Variants in PON1 observed in about 807,000 individuals in gnomAD.
The protein encoded by PON1 is serum paraoxonase/arylesterase 1.
Under a neutral mutation model 39.2 loss-of-function variants are expected in PON1, and 37 were observed. The observed-to-expected ratio is 0.94, with a 90% CI of 0.73 to 1.24. The LOEUF (loss-of-function observed/expected upper bound fraction) is 1.24, where lower values mean the gene tolerates loss of function less well. Among genes scored for constraint, PON1 ranks in the 50% most tolerant of loss-of-function variants. PON1 has a pLI of 0.00. For missense variants in PON1, 397 were observed against 413.5 expected, an observed-to-expected ratio of 0.96 and a Z score of 0.35; for synonymous variants, 148 against 152.2, an observed-to-expected ratio of 0.97 and a Z score of 0.21.
Position 95,318,085 on chromosome 7 carries a change from CT to C in PON1, c.145+237del, listed in dbSNP as rs11343146. Among the ~76,000 whole-genome samples the C allele has an allele frequency of 0.58, 75,797 of 130,932 alleles. 19,169 individuals carry two copies. Among genetic ancestry groups the C allele is most frequent in the Middle Eastern group, 0.67 (162 of 242 alleles). The allele number at this position is 130,932 out of a possible 152,430, so 85.9% of individuals were successfully genotyped here. A position where few individuals can be genotyped will look rare whatever the true frequency, so the allele number is the denominator to read the frequency against. ...TTCTATTTTTCTTTTTTCTTTTTTT[CT>C]TTTTTTTTTTTTTGCTCTATTGATC... On this transcript the variant is annotated intron_variant, in intron 2 of 8. Coordinates refer to ENST00000222381, the MANE Select transcript of PON1 (RefSeq NM_000446.7).
intron 5 of PON1, among the ~76,000 whole-genome samples, chr7:95,309,937 G>A (rs1457780430): frequency 2.6e-5 from 4 of 152,164 alleles, no homozygotes; most frequent in African/African-American, 4.8e-5. Context: ...TTACGGCACC[G>A]TGGTTATTTT....
At chr7:95,312,443 G>C (rs1807675076) in intron 4 of PON1, among the ~76,000 whole-genome samples, 1 of 152,222 alleles carries the variant, frequency 6.6e-6, no homozygotes, top group South Asian at 2.1e-4. Flanking sequence ...TTTGAACAGA[G>C]AAAGCTGCTA....
At chr7:95,317,314 G>A (rs1807789446) in intron 2 of PON1, among the ~76,000 whole-genome samples, 1 of 151,934 alleles carries the variant, frequency 6.6e-6, no homozygotes, top group Admixed American at 6.6e-5. Flanking sequence ...AAATATTACT[G>A]TCTTCAAGTT....
chr7:95,318,606 G>A, intron 1 of PON1: 1 of 520,552 alleles, frequency 1.9e-6, no homozygotes, highest in African/African-American at 1.9e-5. Context: ...GAGGTGGATA[G>A]GTACACATAA....
At chr7:95,311,678 G>A in intron 4 of PON1, 101 bp from the exon 5 acceptor site, 5 of 1,225,990 alleles carry the variant, frequency 4.1e-6, no homozygotes, top group Non-Finnish European at 6.0e-6. Context: ...TAGTAGTTAG[G>A]ATGTCAGGCA....
intron 1 of PON1, chr7:95,318,636 C>T: frequency 2.2e-6 from 1 of 447,994 alleles, no homozygotes; most frequent in East Asian, 4.4e-5. Context: ...AATATCCTCT[C>T]TAGGGCTCTG....
rs1467672931 is a variant in PON1 at position 95,322,270 on chromosome 7, T to TA, written c.74+2131_74+2132insT. 6.6e-3 allele frequency among the ~76,000 whole-genome samples: 596 copies of TA among 89,906 alleles called. 6 individuals carry two copies. The highest frequency in any genetic ancestry group is 0.015 in the African/African-American group (483 of 31,782). 59.0% of individuals were successfully genotyped at this position (89,906 alleles called of 152,430 possible). ...CAGGACATCTGCTATATGCCTGATTTTTATATATATATATATACTTAGTTT... is the reference window on the plus strand; with the variant it reads ...CAGGACATCTGCTATATGCCTGATTTATTATATATATATATATACTTAGTTT... On this transcript the variant is annotated intron_variant, in intron 1 of 8. Coordinates refer to ENST00000222381, the MANE Select transcript of PON1 (RefSeq NM_000446.7).
Position 95,304,327 on chromosome 7 carries a change from C to CTTTTT in PON1, c.780+1953_780+1957dup, listed in dbSNP as rs34709624. 1.1e-4 allele frequency among the ~76,000 whole-genome samples: 12 copies of CTTTTT among 109,518 alleles called. No homozygotes were observed. In the East Asian group the frequency reaches 1.3e-3, roughly 11 times the overall value. 71.8% of individuals were successfully genotyped at this position (109,518 alleles called of 152,430 possible). On this transcript the variant is annotated intron_variant, in intron 7 of 8. Coordinates refer to ENST00000222381, the MANE Select transcript of PON1 (RefSeq NM_000446.7). Reference sequence around the variant, plus strand: ...TGTAGCAGGTATCAGAACTTCATTCCTTTTTTTTTTTTTTTTTTTTTTTAG... The same window carrying CTTTTT: ...TGTAGCAGGTATCAGAACTTCATTCCTTTTTTTTTTTTTTTTTTTTTTTTTTTTAG...
At chr7:95,322,041 G>A (rs994289421) in intron 1 of PON1, among the ~76,000 whole-genome samples, 1 of 152,082 alleles carries the variant, frequency 6.6e-6, no homozygotes, top group Non-Finnish European at 1.5e-5. Flanking sequence ...CTCTGCAGAT[G>A]TCCACTGAAG....
chr7:95,316,901 A>G, intron 2 of PON1, 112 bp from the exon 3 acceptor site: 1 of 799,826 alleles, frequency 1.3e-6, no homozygotes, highest in Non-Finnish European at 2.3e-6. Context: ...CTCTTCTTTA[A>G]TAGGTTCAGA....
At chr7:95,322,350 GTATATATATA>G (rs59115637) in intron 1 of PON1, among the ~76,000 whole-genome samples, 1 of 134,804 alleles carries the variant, frequency 7.4e-6, no homozygotes, top group African/African-American at 2.7e-5. Flanking sequence ...GTGTGTGTGT[GTATATATATA>G]TATATATGCT....
intron 8 of PON1, among the ~76,000 whole-genome samples, chr7:95,300,921 T>A (rs1807407537): frequency 6.6e-6 from 1 of 151,766 alleles, no homozygotes; most frequent in Admixed American, 6.6e-5. Context: ...ATCACAATTG[T>A]CCTGCAAACC....
intron 8 of PON1, among the ~76,000 whole-genome samples, chr7:95,300,762 G>A (rs1807401994): frequency 6.6e-6 from 1 of 152,144 alleles, no homozygotes; most frequent in Non-Finnish European, 1.5e-5. Flanking sequence ...GAGCTAACAA[G>A]CAAGAACAAA....
intron 8 of PON1, 119 bp downstream of exon 8, chr7:95,302,086 T>C: frequency 5.5e-6 from 5 of 910,266 alleles, no homozygotes; most frequent in Non-Finnish European, 7.4e-6. Flanking sequence ...GACAGAGCGA[T>C]ACTCTGTCAC....
chr7:95,318,039 T>C (rs1319438583), intron 2 of PON1, among the ~76,000 whole-genome samples: 2 of 152,114 alleles, frequency 1.3e-5, no homozygotes, highest in African/African-American at 4.8e-5. Context: ...TCAGGTTAGA[T>C]TGCCATGGAA....
intron 5 of PON1, 76 bp downstream of exon 5, chr7:95,311,375 C>A: frequency 6.4e-7 from 1 of 1,571,622 alleles, no homozygotes; most frequent in Non-Finnish European, 8.7e-7. Context: ...CCTACTCTGG[C>A]CAAAAGGAAA....
At position 95,308,089 on chromosome 7, in the gene PON1, T is replaced by C. The variant is rs1807578066; in HGVS notation, c.620A>G (p.Tyr207Cys). ...CACTCGAACTTCACTTGGACTATAG[T>C]AGACAACATACGACCACGCTAAACC... ...YLGLAWSYVV[Y>C]YSPSEVRVVA... The change falls in exon 6 of 9, where the codon TAC (tyrosine) becomes TGC (cysteine). Residue 207 changes from tyrosine (Y) to cysteine (C), a missense_variant. Coordinates refer to ENST00000222381, the MANE Select transcript of PON1 (RefSeq NM_000446.7). The C allele has an allele frequency of 6.2e-7, 1 of 1,614,120 alleles. No homozygotes were observed. Among genetic ancestry groups the C allele is most frequent in the South Asian group, 1.1e-5 (1 of 91,082 alleles).
chr7:95,315,839 G>T (rs931129860), intron 3 of PON1, among the ~76,000 whole-genome samples: 1 of 152,222 alleles, frequency 6.6e-6, no homozygotes, highest in Non-Finnish European at 1.5e-5. Context: ...AATACAGAGA[G>T]AATATTGCTT....
chr7:95,324,115 G>A (rs573051467), intron 1 of PON1, among the ~76,000 whole-genome samples: 25 of 152,312 alleles, frequency 1.6e-4, no homozygotes, highest in Admixed American at 1.6e-3. Context: ...TCTGTAGCCA[G>A]GGCACACAAA....
Sources: allele counts gnomAD v4.1 joint callset (sites outside exome capture counted in the v4.1 genomes callset), GRCh38; gene constraint gnomAD v4.1.1; transcripts MANE v1.5; gene names NCBI Gene and HGNC (gene_info 2026-07-23, HGNC 2026-07-21).